The following CBLB variants were observed in gnomAD, a reference collection of about 807,000 sequenced individuals.
CBLB encodes the protein Cbl proto-oncogene B.
Under a neutral mutation model 104.9 loss-of-function variants are expected in CBLB, and 31 were observed. That is an observed-to-expected ratio of 0.30 (90% CI 0.22 to 0.40). The LOEUF is 0.40. Among genes scored for constraint, CBLB ranks in the 10% least tolerant of loss-of-function variants. The pLI, the probability that CBLB is intolerant of heterozygous loss-of-function variation, is 1.00. For missense variants in CBLB, 1,062 were observed against 1,214.6 expected (o/e 0.87, Z 1.87); for synonymous variants, 440 against 422.6 (o/e 1.04, Z -0.51).
intron 18 of CBLB, among the ~76,000 whole-genome samples, chr3:105,669,183 T>C (rs543144627): frequency 6.6e-6 from 1 of 152,290 alleles, no homozygotes; most frequent in East Asian, 1.9e-4. Context: ...GGACTGAATG[T>C]CTGTCCCCTT....
chr3:105,726,557 T>C (rs1411561863), intron 9 of CBLB, among the ~76,000 whole-genome samples: 3 of 152,212 alleles, frequency 2.0e-5, no homozygotes, highest in Non-Finnish European at 4.4e-5. Flanking sequence ...TTTTTTTTTT[T>C]TTCTTTTATT....
chr3:105,700,874 G>A (rs910694707), intron 12 of CBLB, among the ~76,000 whole-genome samples: 1 of 152,210 alleles, frequency 6.6e-6, no homozygotes, highest in Non-Finnish European at 1.5e-5. Context: ...GGAGCTGAGT[G>A]CAAGTCACGC....
At chr3:105,826,443 TCAGA>T (rs992125221) in intron 3 of CBLB, among the ~76,000 whole-genome samples, 10 of 152,218 alleles carry the variant, frequency 6.6e-5, no homozygotes, top group African/African-American at 2.4e-4. Context: ...GTCTTTGCCG[TCAGA>T]CAAACTATAT....
At chr3:105,668,064 A>C (rs1191207813) in intron 18 of CBLB, among the ~76,000 whole-genome samples, 1 of 152,164 alleles carries the variant, frequency 6.6e-6, no homozygotes, top group Non-Finnish European at 1.5e-5. Context: ...ATGTTGGAAA[A>C]AAGTATCTTA....
chr3:105,691,172 A>G (rs1399307969), intron 13 of CBLB, among the ~76,000 whole-genome samples: 1 of 152,242 alleles, frequency 6.6e-6, no homozygotes, highest in Non-Finnish European at 1.5e-5. Flanking sequence ...TGCTACCCAC[A>G]GAGTCAGAAA....
chr3:105,714,529 C>T (rs1473158839), intron 10 of CBLB, among the ~76,000 whole-genome samples: 4 of 152,128 alleles, frequency 2.6e-5, no homozygotes, highest in Non-Finnish European at 5.9e-5. Flanking sequence ...AACCTAGAAC[C>T]CTCCCATGTG....
Position 105,853,388 on chromosome 3 carries a change from C to A in CBLB, c.419+26G>T, listed in dbSNP as rs777624355. 62 of 1,612,164 alleles carry A rather than the reference C, an allele frequency of 3.8e-5. No homozygotes were observed. In the African/African-American group the frequency reaches 7.1e-4, roughly 18 times the overall value. Reference sequence around the variant, plus strand: ...AAAGCAACATAAATGACCTTTACACCAAAACATCTGAAATATTCTTCTTAC... The same window carrying A: ...AAAGCAACATAAATGACCTTTACACAAAAACATCTGAAATATTCTTCTTAC... On this transcript the variant is annotated intron_variant, in intron 3 of 18. Coordinates refer to ENST00000394030, the MANE Select transcript of CBLB (RefSeq NM_170662.5).
intron 16 of CBLB, among the ~76,000 whole-genome samples, chr3:105,679,410 T>G (rs2066044646): frequency 6.8e-6 from 1 of 146,986 alleles, no homozygotes; most frequent in South Asian, 2.2e-4. Context: ...TGAGACAGGG[T>G]ATACATAAAC....
chr3:105,773,315 TTA>T (rs2079080265), intron 4 of CBLB, among the ~76,000 whole-genome samples: 1 of 152,158 alleles, frequency 6.6e-6, no homozygotes, highest in East Asian at 1.9e-4. Context: ...ATGTTCTCAC[TTA>T]TAAGTGGGAG....
intron 3 of CBLB, among the ~76,000 whole-genome samples, chr3:105,830,562 G>T (rs116448103): frequency 6.6e-6 from 1 of 152,094 alleles, no homozygotes; most frequent in Admixed American, 6.5e-5. Flanking sequence ...TGTCTTAAAA[G>T]ACCAATTTCT....
intron 9 of CBLB, among the ~76,000 whole-genome samples, chr3:105,732,179 A>G (rs1340728917): frequency 1.3e-5 from 2 of 152,194 alleles, no homozygotes; most frequent in Admixed American, 1.3e-4. Flanking sequence ...AAGTAGTCCA[A>G]TTACAGACAA....
chr3:105,782,057 T>C (rs2080323745), intron 3 of CBLB, among the ~76,000 whole-genome samples: 1 of 152,194 alleles, frequency 6.6e-6, no homozygotes, highest in African/African-American at 2.4e-5. Context: ...ACCTTAGGAA[T>C]GTTGTGATTC....
chr3:105,694,960 C>G (rs1475199652), intron 12 of CBLB, among the ~76,000 whole-genome samples: 3 of 151,658 alleles, frequency 2.0e-5, no homozygotes, highest in Non-Finnish European at 4.4e-5. Context: ...TTAATAAAAT[C>G]CTTTAACATA....
At chr3:105,822,438 C>T (rs2086004701) in intron 3 of CBLB, among the ~76,000 whole-genome samples, 1 of 152,124 alleles carries the variant, frequency 6.6e-6, no homozygotes, top group Non-Finnish European at 1.5e-5. Flanking sequence ...CCGGTACTCT[C>T]TATTTTGGGT....
chr3:105,851,019 C>A (rs1390372657), intron 3 of CBLB, among the ~76,000 whole-genome samples: 1 of 152,126 alleles, frequency 6.6e-6, no homozygotes, highest in Non-Finnish European at 1.5e-5. Context: ...ATCTAGCAAT[C>A]TTGCTAGGTA....
At chr3:105,774,578 A>G (rs1158308059) in intron 4 of CBLB, among the ~76,000 whole-genome samples, 1 of 152,166 alleles carries the variant, frequency 6.6e-6, no homozygotes, top group Non-Finnish European at 1.5e-5. Flanking sequence ...TAGGGAAAGT[A>G]TCTAATCACT....
chr3:105,684,867 AT>A (rs2066813951), intron 14 of CBLB, among the ~76,000 whole-genome samples: 1 of 152,150 alleles, frequency 6.6e-6, no homozygotes, highest in African/African-American at 2.4e-5. Context: ...TCACATTCTT[AT>A]TTGATCTAAA....
chr3:105,801,071 C>G (rs539177108), intron 3 of CBLB, among the ~76,000 whole-genome samples: 62 of 152,132 alleles, frequency 4.1e-4, no homozygotes, highest in African/African-American at 1.4e-3. Context: ...TGAATTCTCA[C>G]AACTGTTTTT....
chr3:105,827,828 C>T (rs1225363835), intron 3 of CBLB, among the ~76,000 whole-genome samples: 1 of 152,118 alleles, frequency 6.6e-6, no homozygotes, highest in Non-Finnish European at 1.5e-5. Flanking sequence ...AGTGGTTGCT[C>T]TGAAAACAAG....
Sources: gnomAD v4.1 joint callset for allele counts (sites outside exome capture counted in the v4.1 genomes callset) on GRCh38, gnomAD v4.1.1 for gene constraint, MANE v1.5 for transcripts, NCBI Gene and HGNC (gene_info 2026-07-23, HGNC 2026-07-21) for gene names.